MAN1A2: variants seen among roughly 807,000 people sequenced by gnomAD.
MAN1A2 encodes mannosidase alpha class 1A member 2.
In MAN1A2, 26 loss-of-function variants were observed where a neutral mutation model predicts 75.7. The observed-to-expected ratio is 0.34, with a 90% CI of 0.25 to 0.48. MAN1A2 has a LOEUF of 0.48. Among genes scored for constraint, MAN1A2 ranks in the 20% least tolerant of loss-of-function variants. The pLI, the probability that MAN1A2 is intolerant of heterozygous loss-of-function variation, is 0.99. For missense variants in MAN1A2, 562 were observed against 775.5 expected, an observed-to-expected ratio of 0.72 and a Z score of 3.27; for synonymous variants, 247 against 264.6, an observed-to-expected ratio of 0.93 and a Z score of 0.65.
At chr1:117,522,760 G>A in intron 12 of MAN1A2, 65 bp from the exon 13 acceptor site, 2 of 1,436,314 alleles carry the variant, frequency 1.4e-6, no homozygotes, top group Admixed American at 1.9e-5. Flanking sequence ...GCCATTAAAA[G>A]TGAGCTCACT....
intron 7 of MAN1A2, among the ~76,000 whole-genome samples, chr1:117,462,426 G>A (rs576447955): frequency 9.2e-5 from 14 of 152,164 alleles, no homozygotes; most frequent in African/African-American, 2.6e-4. Context: ...GATTCAAAAT[G>A]GTTTTGATAA....
chr1:117,431,211 GGGGGA>G (rs1308861429), intron 5 of MAN1A2, among the ~76,000 whole-genome samples: 9 of 48,758 alleles, frequency 1.8e-4, no homozygotes, highest in Non-Finnish European at 3.7e-4. Flanking sequence ...GGGAGGGGGA[GGGGGA>G]GGGGGAGGGG....
chr1:117,397,680 C>T (rs931877384), intron 1 of MAN1A2, among the ~76,000 whole-genome samples: 8 of 76,840 alleles, frequency 1.0e-4, no homozygotes, highest in South Asian at 4.5e-4. Flanking sequence ...GACGTAGTTT[C>T]GCTTTTGTTG....
chr1:117,399,718 C>G (rs1382079738), intron 1 of MAN1A2, among the ~76,000 whole-genome samples: 1 of 152,174 alleles, frequency 6.6e-6, no homozygotes, highest in Non-Finnish European at 1.5e-5. Flanking sequence ...CAAGATGGCT[C>G]TCTTAGCTTT....
chr1:117,514,494 C>T lies in MAN1A2; in HGVS notation c.1794-8331C>T, dbSNP rs183319388. Reference sequence around the variant, plus strand: ...CGTATCCTCTCATAGTTTTAATTCTCTTTTTTACTGCTGTTGTTATCTTCA... The same window carrying T: ...CGTATCCTCTCATAGTTTTAATTCTTTTTTTTACTGCTGTTGTTATCTTCA... On this transcript the variant is annotated intron_variant, in intron 12 of 12. Coordinates refer to ENST00000356554, the MANE Select transcript of MAN1A2 (RefSeq NM_006699.5). 2.0e-3 allele frequency among the ~76,000 whole-genome samples: 298 copies of T among 152,194 alleles called. 1 individual carries two copies. The highest frequency in any genetic ancestry group is 6.9e-3 in the African/African-American group (286 of 41,542).
intron 6 of MAN1A2, among the ~76,000 whole-genome samples, chr1:117,458,690 GT>G (rs1003643995): frequency 5.9e-4 from 89 of 151,368 alleles, no homozygotes; most frequent in African/African-American, 2.0e-3. Flanking sequence ...GTCCGGCTAA[GT>G]TTTTGTATTT....
intron 1 of MAN1A2, among the ~76,000 whole-genome samples, chr1:117,371,749 T>G (rs556035813): frequency 2.0e-5 from 3 of 152,324 alleles, no homozygotes; most frequent in African/African-American, 7.2e-5. Context: ...GCCTCCTTAT[T>G]GTTGTTACAA....
intron 8 of MAN1A2, among the ~76,000 whole-genome samples, chr1:117,473,156 C>T (rs998393210): frequency 6.6e-6 from 1 of 151,886 alleles, no homozygotes; most frequent in Non-Finnish European, 1.5e-5. Context: ...TAATTCTATC[C>T]ACCTCAAAAC....
intron 8 of MAN1A2, among the ~76,000 whole-genome samples, chr1:117,474,558 T>G (rs1238755221): frequency 3.3e-5 from 5 of 151,184 alleles, no homozygotes; most frequent in African/African-American, 1.2e-4. Flanking sequence ...TTATATAGAT[T>G]TAAAAAATTT....
At chr1:117,377,924 C>G (rs1354518653) in intron 1 of MAN1A2, among the ~76,000 whole-genome samples, 1 of 152,010 alleles carries the variant, frequency 6.6e-6, no homozygotes, top group East Asian at 1.9e-4. Flanking sequence ...CACGCTGAAA[C>G]CCCATCTCTA....
chr1:117,390,656 T>C (rs1489533932), intron 1 of MAN1A2, among the ~76,000 whole-genome samples: 1 of 151,954 alleles, frequency 6.6e-6, no homozygotes, highest in Non-Finnish European at 1.5e-5. Flanking sequence ...CTTCTAACTT[T>C]GGGTTTAATT....
intron 12 of MAN1A2, among the ~76,000 whole-genome samples, chr1:117,505,796 G>C (rs1174651356): frequency 6.6e-6 from 1 of 151,186 alleles, no homozygotes; most frequent in African/African-American, 2.4e-5. Flanking sequence ...ATTATAAAAT[G>C]ACTTAAATTG....
chr1:117,406,123 A>G (rs992036907), intron 3 of MAN1A2, among the ~76,000 whole-genome samples: 1 of 152,132 alleles, frequency 6.6e-6, no homozygotes, highest in East Asian at 1.9e-4. Flanking sequence ...AAAATTAACA[A>G]TGTGTTCTGT....
At chr1:117,387,217 A>G (rs1268850406) in intron 1 of MAN1A2, among the ~76,000 whole-genome samples, 1 of 44,474 alleles carries the variant, frequency 2.2e-5, no homozygotes, top group Admixed American at 1.6e-4. Context: ...TGGCTGTTGT[A>G]AAAAAAAAAA....
At chr1:117,464,882 G>T (rs1233088488) in intron 7 of MAN1A2, among the ~76,000 whole-genome samples, 1 of 152,030 alleles carries the variant, frequency 6.6e-6, no homozygotes. Context: ...AAATAGTAAT[G>T]AGTAATTTGT....
At chr1:117,428,628 A>T (rs1317812123) in intron 5 of MAN1A2, among the ~76,000 whole-genome samples, 3 of 152,094 alleles carry the variant, frequency 2.0e-5, no homozygotes, top group African/African-American at 4.8e-5. Context: ...TTCACAGTCT[A>T]AAAAAGACAC....
intron 1 of MAN1A2, among the ~76,000 whole-genome samples, chr1:117,395,868 C>T (rs1017126002): frequency 2.0e-5 from 3 of 152,162 alleles, no homozygotes; most frequent in African/African-American, 7.2e-5. Flanking sequence ...TTTGCAAGGA[C>T]TCACAAAGGG....
chr1:117,369,705 A>G (rs1371450840), intron 1 of MAN1A2, among the ~76,000 whole-genome samples: 2 of 152,128 alleles, frequency 1.3e-5, no homozygotes, highest in Non-Finnish European at 2.9e-5. Context: ...GCCATTTTCG[A>G]CTACTGTACT....
At position 117,445,864 on chromosome 1, in the gene MAN1A2, GTGTGTGTGTC is replaced by G. The variant is rs1447174181; in HGVS notation, c.950+3549_950+3558del. Among the ~76,000 whole-genome samples the G allele has an allele frequency of 3.7e-3, 365 of 99,432 alleles. 20 individuals carry two copies. The highest frequency in any genetic ancestry group is 8.6e-3 in the East Asian group (21 of 2,450). 65.2% of individuals were successfully genotyped at this position (99,432 alleles called of 152,430 possible). A position where few individuals can be genotyped will look rare whatever the true frequency, so the allele number is the denominator to read the frequency against. ...TTTGTGTGTGTGTGTGTGTGTATGTGTGTGTGTGTCTGTGTGTGTGTATATATATATATAT... is the reference window on the plus strand; with the variant it reads ...TTTGTGTGTGTGTGTGTGTGTATGTGTGTGTGTGTGTATATATATATATAT... On this transcript the variant is annotated intron_variant, in intron 6 of 12. Transcript: ENST00000356554.
Sources: gnomAD v4.1 joint callset for allele counts (sites outside exome capture counted in the v4.1 genomes callset) on GRCh38, gnomAD v4.1.1 for gene constraint, MANE v1.5 for transcripts, NCBI Gene and HGNC (gene_info 2026-07-23, HGNC 2026-07-21) for gene names.